Variants in KATNIP observed in about 807,000 individuals in gnomAD.
KATNIP encodes katanin interacting protein.
A neutral mutation model predicts 174.0 loss-of-function variants in KATNIP; 126 were observed. The observed-to-expected ratio is 0.72, with a 90% CI of 0.63 to 0.84. KATNIP has a LOEUF of 0.84. Ranked by LOEUF, KATNIP falls within the 40% of genes least tolerant of loss-of-function variation. The pLI, the probability that KATNIP is intolerant of heterozygous loss-of-function variation, is 0.00. For synonymous variants in KATNIP, 810 were observed against 835.7 expected, an observed-to-expected ratio of 0.97 and a Z score of 0.53; for missense variants, 1,958 against 2,109.7, an observed-to-expected ratio of 0.93 and a Z score of 1.41.
At chr16:27,671,873 T>A (rs2077918941) in intron 6 of KATNIP, among the ~76,000 whole-genome samples, 1 of 151,900 alleles carries the variant, frequency 6.6e-6, no homozygotes, top group Non-Finnish European at 1.5e-5. Context: ...CTGGCCAACA[T>A]GGTAAAACCC....
At chr16:27,702,092 A>G (rs1052227692) in intron 11 of KATNIP, among the ~76,000 whole-genome samples, 4 of 152,184 alleles carry the variant, frequency 2.6e-5, no homozygotes, top group African/African-American at 9.6e-5. Flanking sequence ...AAACTCTGTT[A>G]AACTATTCCT....
intron 23 of KATNIP, among the ~76,000 whole-genome samples, chr16:27,774,568 T>C (rs971312146): frequency 6.6e-6 from 1 of 152,070 alleles, no homozygotes; most frequent in South Asian, 2.1e-4. Context: ...CATGCCAGGG[T>C]AGAATCCAGC....
Position 27,750,013 on chromosome 16 carries a change from T to C in KATNIP, c.3053T>C (p.Ile1018Thr). Residue 1018 changes from isoleucine (I) to threonine (T), a missense_variant, in exon 16 of 28, where the codon ATC (isoleucine) becomes ACC (threonine). Around this residue, in one of 3 missense-constraint regions of KATNIP, gnomAD observed 1,557 missense variants for 1,617.8 expected, o/e 0.96. Coordinates refer to ENST00000261588, the MANE Select transcript of KATNIP (RefSeq NM_015202.5). ...AACATAAAAGCAGACCCTCCCGATA[T>C]CAATATTTTACCAGCCTATGGGAAA... ...ISNIKADPPD[I>T]NILPAYGKDP... The C allele has an allele frequency of 6.2e-7, 1 of 1,614,060 alleles. No individual in the cohort carries two copies. The highest frequency in any genetic ancestry group is 8.5e-7 in the Non-Finnish European group (1 of 1,180,004).
intron 18 of KATNIP, among the ~76,000 whole-genome samples, chr16:27,758,685 C>T (rs984081106): frequency 1.3e-5 from 2 of 152,178 alleles, no homozygotes; most frequent in African/African-American, 2.4e-5. Flanking sequence ...CTGGAATGTT[C>T]TTCTTCCAGA....
chr16:27,752,841 G>A (rs1317256574), intron 17 of KATNIP, among the ~76,000 whole-genome samples: 2 of 152,062 alleles, frequency 1.3e-5, no homozygotes, highest in Non-Finnish European at 2.9e-5. Flanking sequence ...GGCAAGAGCC[G>A]CCACACTTAG....
intron 9 of KATNIP, 50 bp downstream of exon 9, chr16:27,698,550 A>G: frequency 6.5e-7 from 1 of 1,532,832 alleles, no homozygotes; most frequent in Non-Finnish European, 8.8e-7. Context: ...TGGACTGGGC[A>G]GTGTCTGAGC....
intron 14 of KATNIP, among the ~76,000 whole-genome samples, chr16:27,729,395 T>C (rs573448328): frequency 1.3e-5 from 2 of 152,214 alleles, no homozygotes; most frequent in African/African-American, 4.8e-5. Context: ...CTACCTGGGG[T>C]GGGCCCACAT....
chr16:27,774,639 C>T (rs1198469240), intron 23 of KATNIP, among the ~76,000 whole-genome samples: 1 of 152,206 alleles, frequency 6.6e-6, no homozygotes, highest in African/African-American at 2.4e-5. Context: ...CCCTCTCAAG[C>T]AGCAGCAACA....
intron 3 of KATNIP, among the ~76,000 whole-genome samples, chr16:27,622,361 C>G (rs1490817851): frequency 6.6e-6 from 1 of 152,182 alleles, no homozygotes; most frequent in African/African-American, 2.4e-5. Flanking sequence ...CCTTGCCTCA[C>G]TCCTGCAGAA....
intron 8 of KATNIP, among the ~76,000 whole-genome samples, chr16:27,693,213 C>G (rs1230840558): frequency 6.6e-6 from 1 of 152,172 alleles, no homozygotes; most frequent in East Asian, 1.9e-4. Flanking sequence ...TTTCTCATCT[C>G]TCCTGTTGCC....
chr16:27,601,992 C>T (rs2075542199), intron 2 of KATNIP, among the ~76,000 whole-genome samples: 1 of 152,180 alleles, frequency 6.6e-6, no homozygotes, highest in African/African-American at 2.4e-5. Context: ...TCTCTCCTCC[C>T]ATCAGGCCTG....
intron 2 of KATNIP, among the ~76,000 whole-genome samples, chr16:27,581,168 C>T (rs750262366): frequency 1.3e-5 from 2 of 152,006 alleles, no homozygotes; most frequent in Non-Finnish European, 2.9e-5. Flanking sequence ...AGGTTTTGGT[C>T]CTAAATAATT....
At chr16:27,766,211 G>A in intron 19 of KATNIP, 98 bp from the exon 20 acceptor site, 1 of 1,312,012 alleles carries the variant, frequency 7.6e-7, no homozygotes, top group Non-Finnish European at 1.1e-6. Flanking sequence ...GTGCCAGGCA[G>A]TGGGGACGTA....
chr16:27,703,930 G>C lies in KATNIP; in HGVS notation c.1321G>C (p.Val441Leu), dbSNP rs760957442. The C allele has an allele frequency of 6.2e-7, 1 of 1,614,196 alleles. No individual in the cohort carries two copies. Among genetic ancestry groups the C allele is most frequent in the Non-Finnish European group, 8.5e-7 (1 of 1,180,020 alleles). The change falls in exon 12 of 28, where the codon GTC becomes CTC. Residue 441 changes from valine (V) to leucine (L), a missense_variant. Val to Leu is a conservative substitution (Grantham distance 32). Around this residue, in one of 3 missense-constraint regions of KATNIP, gnomAD observed 1,557 missense variants for 1,617.8 expected, o/e 0.96. Coordinates refer to ENST00000261588, the MANE Select transcript of KATNIP (RefSeq NM_015202.5). ...QQKLLKVLQA[V>L]ESDSAHLGRV... ...GAAGCTTCTGAAAGTCCTCCAGGCC[G>C]TCGAAAGTGACTCTGCCCATCTCGG...
At chr16:27,703,735 G>T (rs983224145) in intron 11 of KATNIP, among the ~76,000 whole-genome samples, 161 bp from the exon 12 acceptor site, 1 of 152,206 alleles carries the variant, frequency 6.6e-6, no homozygotes, top group Non-Finnish European at 1.5e-5. Context: ...TTTATAAAGG[G>T]AGAAAAACAG....
intron 2 of KATNIP, among the ~76,000 whole-genome samples, chr16:27,591,762 G>T (rs1361085890): frequency 6.6e-6 from 1 of 152,142 alleles, no homozygotes; most frequent in Non-Finnish European, 1.5e-5. Flanking sequence ...TTGTGCCATG[G>T]TAGTGGTGGT....
intron 5 of KATNIP, among the ~76,000 whole-genome samples, chr16:27,636,091 G>A (rs990448720): frequency 6.6e-6 from 1 of 152,102 alleles, no homozygotes; most frequent in African/African-American, 2.4e-5. Context: ...GAGTTCAAGG[G>A]TGCAGTGAGC....
At chr16:27,625,926 T>A (rs566345291) in intron 3 of KATNIP, among the ~76,000 whole-genome samples, 1 of 152,038 alleles carries the variant, frequency 6.6e-6, no homozygotes, top group African/African-American at 2.4e-5. Context: ...CATGTCTCAC[T>A]ACAGCCTCAA....
chr16:27,623,244 C>T (rs2076245276), intron 3 of KATNIP, among the ~76,000 whole-genome samples: 1 of 152,196 alleles, frequency 6.6e-6, no homozygotes, highest in South Asian at 2.1e-4. Context: ...ACTGCAGCCC[C>T]ACGGGCCAGA....
Sources: gnomAD v4.1 joint callset for allele counts (sites outside exome capture counted in the v4.1 genomes callset) on GRCh38, gnomAD v4.1.1 for gene constraint, gnomAD v4.1.1 regional missense constraint, MANE v1.5 for transcripts, NCBI Gene and HGNC (gene_info 2026-07-23, HGNC 2026-07-21) for gene names.